RAD51B: variants seen among roughly 807,000 people sequenced by gnomAD.
The protein encoded by RAD51B is DNA repair protein RAD51 homolog 2.
In RAD51B, 38 loss-of-function variants were observed where a neutral mutation model predicts 42.2. The observed-to-expected ratio is 0.90, with a 90% confidence interval of 0.70 to 1.18. The LOEUF (loss-of-function observed/expected upper bound fraction) is 1.18. Among genes scored for constraint, RAD51B ranks in the 50% most tolerant of loss-of-function variants. The pLI is 0.00. For synonymous variants in RAD51B, 154 were observed against 145.2 expected (o/e 1.06, Z -0.43); for missense variants, 373 against 400.7 (o/e 0.93, Z 0.59).
chr14:68,047,816 A>G (rs943907704), intron 7 of RAD51B, among the ~76,000 whole-genome samples: 6 of 152,206 alleles, frequency 3.9e-5, no homozygotes, highest in African/African-American at 1.2e-4. Flanking sequence ...GACAGCAGAA[A>G]AGAAAGCTAG....
chr14:67,846,131 C>T (rs892825489), intron 4 of RAD51B, among the ~76,000 whole-genome samples: 7 of 152,044 alleles, frequency 4.6e-5, no homozygotes, highest in Non-Finnish European at 7.4e-5. Context: ...ACAGCAGCTG[C>T]GTTATGGTGG....
chr14:68,631,872 C>G (rs756115776), intron 10 of RAD51B, among the ~76,000 whole-genome samples: 1 of 152,316 alleles, frequency 6.6e-6, no homozygotes, highest in South Asian at 2.1e-4. Context: ...CTTGCTCTGT[C>G]CACACTGTAT....
chr14:68,645,715 T>C (rs556454092), intron 10 of RAD51B, among the ~76,000 whole-genome samples: 6 of 152,198 alleles, frequency 3.9e-5, no homozygotes, highest in Non-Finnish European at 7.4e-5. Flanking sequence ...AGATGCTTGC[T>C]TGGTTTTTTA....
At chr14:68,179,521 G>C (rs1411610779) in intron 7 of RAD51B, among the ~76,000 whole-genome samples, 3 of 152,114 alleles carry the variant, frequency 2.0e-5, no homozygotes, top group Non-Finnish European at 4.4e-5. Context: ...AGTGTAACAT[G>C]ACTTGTACTT....
At chr14:68,425,980 C>CTTCT (rs2084831904) in intron 9 of RAD51B, among the ~76,000 whole-genome samples, 1 of 123,836 alleles carries the variant, frequency 8.1e-6, no homozygotes, top group African/African-American at 3.9e-5. Flanking sequence ...TTCTTTCTTC[C>CTTCT]TTCCTTCCTT....
At chr14:68,314,082 C>T (rs1008470140) in intron 8 of RAD51B, among the ~76,000 whole-genome samples, 1 of 152,218 alleles carries the variant, frequency 6.6e-6, no homozygotes, top group African/African-American at 2.4e-5. Context: ...CCTCCTCCTA[C>T]TTCCTCAACT....
intron 7 of RAD51B, among the ~76,000 whole-genome samples, chr14:68,141,897 C>G (rs1252938177): frequency 1.3e-5 from 2 of 152,164 alleles, no homozygotes; most frequent in Non-Finnish European, 2.9e-5. Context: ...CCAGGCTGGT[C>G]TGCAGCCCCT....
chr14:68,081,058 T>C (rs2076905364), intron 7 of RAD51B, among the ~76,000 whole-genome samples: 1 of 152,180 alleles, frequency 6.6e-6, no homozygotes, highest in South Asian at 2.1e-4. Context: ...TTCTGTAGCA[T>C]GGCCTGGAAG....
intron 8 of RAD51B, among the ~76,000 whole-genome samples, chr14:68,381,658 C>T (rs561722963): frequency 2.1e-4 from 32 of 152,106 alleles, no homozygotes; most frequent in East Asian, 7.7e-4. Context: ...CCTGCTCAGG[C>T]GACAGAGCAA....
chr14:68,298,587 C>T (rs2081658322), intron 8 of RAD51B, among the ~76,000 whole-genome samples: 1 of 152,192 alleles, frequency 6.6e-6, no homozygotes, highest in Non-Finnish European at 1.5e-5. Flanking sequence ...TCTAATTTCT[C>T]AAATCTGCAC....
intron 7 of RAD51B, among the ~76,000 whole-genome samples, chr14:67,953,010 T>C (rs1037762243): frequency 2.0e-5 from 3 of 152,180 alleles, no homozygotes; most frequent in African/African-American, 2.4e-5. Context: ...TAGTCCTGTC[T>C]AGTACAGAAC....
At chr14:68,295,656 A>T (rs1276419410) in intron 8 of RAD51B, among the ~76,000 whole-genome samples, 1 of 152,148 alleles carries the variant, frequency 6.6e-6, no homozygotes, top group Non-Finnish European at 1.5e-5. Context: ...CGGTTGGGCC[A>T]GGTCACTTGT....
At chr14:68,306,183 A>G (rs546655468) in intron 8 of RAD51B, among the ~76,000 whole-genome samples, 141 of 152,340 alleles carry the variant, frequency 9.3e-4, no homozygotes, top group African/African-American at 3.3e-3. Flanking sequence ...TTTACTGTCT[A>G]TGGCAGTTTT....
intron 7 of RAD51B, among the ~76,000 whole-genome samples, chr14:68,129,006 A>G (rs754753860): frequency 1.3e-5 from 2 of 152,120 alleles, no homozygotes; most frequent in Non-Finnish European, 2.9e-5. Context: ...CTTTTTTGTC[A>G]TCAAGGGCAC....
chr14:68,680,676 A>G (rs1158022005), intron 11 of RAD51B, among the ~76,000 whole-genome samples: 2 of 152,092 alleles, frequency 1.3e-5, no homozygotes, highest in South Asian at 2.1e-4. Flanking sequence ...GATCCACGCA[A>G]ATCAAGAGAA....
chr14:68,164,301 G>A (rs2078705124), intron 7 of RAD51B, among the ~76,000 whole-genome samples: 1 of 152,142 alleles, frequency 6.6e-6, no homozygotes, highest in Admixed American at 6.5e-5. Flanking sequence ...TAATGAAATT[G>A]TTAGGATGGA....
At chr14:68,639,534 CT>C (rs1396629726) in intron 10 of RAD51B, among the ~76,000 whole-genome samples, 4 of 152,106 alleles carry the variant, frequency 2.6e-5, no homozygotes, top group Middle Eastern at 3.2e-3. Context: ...GGACTGTGAT[CT>C]GAAGGAATAT....
intron 7 of RAD51B, among the ~76,000 whole-genome samples, chr14:68,202,111 A>G (rs2140926903): frequency 6.6e-6 from 1 of 152,378 alleles, no homozygotes; most frequent in South Asian, 2.1e-4. Flanking sequence ...CAGTACCATT[A>G]TGTCTAAAAA....
intron 7 of RAD51B, among the ~76,000 whole-genome samples, chr14:67,982,962 G>A (rs1665575183): frequency 6.6e-6 from 1 of 152,098 alleles, no homozygotes. Flanking sequence ...CACTTTGGAG[G>A]CACAGGTGAG....
Sources: allele counts gnomAD v4.1 joint callset (sites outside exome capture counted in the v4.1 genomes callset), GRCh38; gene constraint gnomAD v4.1.1; transcripts MANE v1.5; gene names NCBI Gene and HGNC (gene_info 2026-07-23, HGNC 2026-07-21).